KLHL12: variants seen among roughly 807,000 people sequenced by gnomAD.
KLHL12 encodes the protein kelch-like protein 12.
Under a neutral mutation model 60.8 loss-of-function variants are expected in KLHL12, and 17 were observed. That is an observed-to-expected ratio of 0.28 (90% confidence interval 0.19 to 0.42). KLHL12 has a LOEUF of 0.42. Ranked by LOEUF, KLHL12 falls within the 10% of genes least tolerant of loss-of-function variation. The pLI is 1.00. For synonymous variants in KLHL12, 220 were observed against 250.9 expected, an observed-to-expected ratio of 0.88 and a Z score of 1.16; for missense variants, 468 against 722.3, an observed-to-expected ratio of 0.65 and a Z score of 4.04.
Position 202,909,244 on chromosome 1 carries a change from G to C in KLHL12, c.718-120C>G. ...AGAAAACCAGTTTGCAAAGCCCTGTGATTCCAGGAGTATTGCTGGTAGTAA... is the reference window on the plus strand; with the variant it reads ...AGAAAACCAGTTTGCAAAGCCCTGTCATTCCAGGAGTATTGCTGGTAGTAA... On this transcript the variant is annotated intron_variant, in intron 5 of 11. Transcript: ENST00000367261. This position sits in a 1 kb window ranked among gnomAD's most constrained non-coding sequence, Gnocchi z 4.1. 1.7e-6 allele frequency: 1 copy of C among 604,468 alleles called. No individual in the cohort carries two copies. The allele number at this position is 604,468 out of a possible 1,614,324, so 37.4% of individuals were successfully genotyped here. A position where few individuals can be genotyped will look rare whatever the true frequency, so the allele number is the denominator to read the frequency against.
chr1:202,927,336 T>G, upstream of KLHL12: 1 of 914,202 alleles, frequency 1.1e-6, no homozygotes, highest in Non-Finnish European at 1.3e-6. Flanking sequence ...TCACGTGACC[T>G]GTCTGTACCC....
Position 202,895,038 on chromosome 1 carries a change from A to C in KLHL12, c.1136-289T>G, listed in dbSNP as rs1450191989. 6.6e-6 allele frequency among the ~76,000 whole-genome samples: 1 copy of C among 152,202 alleles called. No individual in the cohort carries two copies. Among genetic ancestry groups the C allele is most frequent in the Non-Finnish European group, 1.5e-5 (1 of 68,018 alleles). On this transcript the variant is annotated intron_variant, in intron 8 of 11. Transcript: ENST00000367261. This position sits in a 1 kb window ranked among gnomAD's most constrained non-coding sequence, Gnocchi z 4.2. The stretch of plus-strand genomic sequence containing the variant: ...TTGATTTGCCAACTTTGTAGTCAAT[A>C]ATGAAACATCCATGAATATTGAACA...
intron 2 of KLHL12, among the ~76,000 whole-genome samples, chr1:202,924,629 G>A (rs1417067552): frequency 6.6e-6 from 1 of 152,082 alleles, no homozygotes; most frequent in East Asian, 1.9e-4. Flanking sequence ...ACAAAAAAAG[G>A]AGAAAAATTG....
chr1:202,901,496 C>A (rs980719388), intron 6 of KLHL12, among the ~76,000 whole-genome samples: 2 of 149,724 alleles, frequency 1.3e-5, no homozygotes, highest in South Asian at 4.2e-4. Context: ...GAGAGGAGGT[C>A]TCACTATGTT....
Position 202,903,984 on chromosome 1 carries a change from C to CTATCTATG in KLHL12, c.832+5018_832+5025dup, listed in dbSNP as rs1033429558. Among the ~76,000 whole-genome samples, 10 of 149,490 alleles carry CTATCTATG rather than the reference C, an allele frequency of 6.7e-5. No individual in the cohort carries two copies. The South Asian group carries it at 8.4e-4, about 13-fold the overall frequency. The stretch of plus-strand genomic sequence containing the variant: ...TTTAACCCTTTAACCCTTTATCTAT[C>CTATCTATG]TATCTATGTATCTATCTATCTATCT... On this transcript the variant is annotated intron_variant, in intron 6 of 11. Coordinates refer to ENST00000367261, the MANE Select transcript of KLHL12 (RefSeq NM_021633.4).
chr1:202,919,761 A>G lies in KLHL12; in HGVS notation c.343T>C (p.Leu115=), dbSNP rs777110286. Residue 115 remains leucine (L), a synonymous_variant, in exon 3 of 12, where the codon TTG becomes CTG. Transcript: ENST00000367261. The stretch of plus-strand genomic sequence containing the variant: ...CAAGTTTTAATGTCTGTACCTTTCA[A>G]CTGAAGCAGACAGGCTGCAGGAAGC... The part of the protein sequence containing the change: ...ELLPAACLLQ[L]KGVKQACCEF... 2.5e-6 allele frequency: 4 copies of G among 1,610,960 alleles called. No homozygotes were observed. Among genetic ancestry groups the G allele is most frequent in the Non-Finnish European group, 3.4e-6 (4 of 1,179,064 alleles).
At chr1:202,919,968 T>A in intron 2 of KLHL12, 60 bp from the exon 3 acceptor site, 1 of 1,379,760 alleles carries the variant, frequency 7.2e-7, no homozygotes, top group Non-Finnish European at 1.0e-6. Flanking sequence ...AAAGGCAGAA[T>A]CTCATATCTA....
chr1:202,912,817 G>C (rs987711179), intron 4 of KLHL12: 1 of 781,788 alleles, frequency 1.3e-6, no homozygotes, highest in Non-Finnish European at 2.2e-6. Context: ...ACTCAGCCAA[G>C]CACAGTGGTG....
At chr1:202,894,907 A>T (rs1278737587) in intron 8 of KLHL12, among the ~76,000 whole-genome samples, 158 bp from the exon 9 acceptor site, 1 of 152,194 alleles carries the variant, frequency 6.6e-6, no homozygotes, top group Non-Finnish European at 1.5e-5. Flanking sequence ...CAAGGAAGAC[A>T]TCTAAAAAGA....
chr1:202,916,835 C>T (rs930251967), intron 4 of KLHL12, among the ~76,000 whole-genome samples: 1 of 151,748 alleles, frequency 6.6e-6, no homozygotes. Context: ...AAAAAATTAG[C>T]CCGGTGTGGT....
upstream of KLHL12, chr1:202,928,560 G>A (rs1297524514): frequency 2.3e-6 from 3 of 1,301,752 alleles, no homozygotes; most frequent in East Asian, 1.7e-4. Flanking sequence ...TGTCCACAAT[G>A]GCCTTTTCGG....
At chr1:202,915,444 A>C (rs947545613) in intron 4 of KLHL12, among the ~76,000 whole-genome samples, 2 of 152,340 alleles carry the variant, frequency 1.3e-5, no homozygotes, top group Admixed American at 6.5e-5. Flanking sequence ...TTTCCAGAAA[A>C]AAAGCAAAGG....
chr1:202,898,139 A>G (rs1659900728), intron 6 of KLHL12, among the ~76,000 whole-genome samples: 1 of 152,150 alleles, frequency 6.6e-6, no homozygotes, highest in East Asian at 1.9e-4. Flanking sequence ...CCCGGCCTCA[A>G]GCGATACTCC....
intron 5 of KLHL12, 44 bp downstream of exon 5, chr1:202,911,010 G>A: frequency 6.2e-7 from 1 of 1,603,434 alleles, no homozygotes; most frequent in Middle Eastern, 1.7e-4. Context: ...ACTAAGGTAA[G>A]AGTCCGTCAA....
chr1:202,912,066 A>G, intron 4 of KLHL12: 1 of 789,216 alleles, frequency 1.3e-6, no homozygotes. Context: ...GAAGAGTTGG[A>G]GAACCAAAGA....
chr1:202,919,648 C>T (rs1660625096), intron 3 of KLHL12, 107 bp downstream of exon 3: 1 of 1,035,466 alleles, frequency 9.7e-7, no homozygotes, highest in Non-Finnish European at 1.4e-6. Flanking sequence ...CAAACATGAA[C>T]ATCCATAGTT....
chr1:202,919,976 C>A, intron 2 of KLHL12, 68 bp from the exon 3 acceptor site: 1 of 1,326,312 alleles, frequency 7.5e-7, no homozygotes, highest in Admixed American at 1.9e-5. Context: ...AATCTCATAT[C>A]TAAGAGCTTA....
chr1:202,916,418 C>T (rs530247877), intron 4 of KLHL12, among the ~76,000 whole-genome samples: 15 of 152,290 alleles, frequency 9.8e-5, no homozygotes, highest in African/African-American at 3.1e-4. Context: ...TTTTAGGAGG[C>T]TGAAGTGGCT....
intron 6 of KLHL12, among the ~76,000 whole-genome samples, chr1:202,906,160 A>G (rs1376623643): frequency 6.8e-6 from 1 of 147,296 alleles, no homozygotes; most frequent in Non-Finnish European, 1.5e-5. Flanking sequence ...TTTTTAAAAA[A>G]CAAAAGTAAT....
Sources: allele counts gnomAD v4.1 joint callset (sites outside exome capture counted in the v4.1 genomes callset), GRCh38; gene constraint gnomAD v4.1.1; non-coding constraint Gnocchi (gnomAD v3.1); transcripts MANE v1.5; gene names NCBI Gene and HGNC (gene_info 2026-07-23, HGNC 2026-07-21).